The following TTC13 variants were observed in gnomAD, a reference collection of about 807,000 sequenced individuals.
TTC13 encodes tetratricopeptide repeat domain 13.
TTC13 carries 62 observed loss-of-function variants against 120.0 expected under a neutral mutation model. The ratio of observed to expected loss-of-function variants is 0.52; its 90% CI spans 0.42 to 0.64. TTC13 has a LOEUF of 0.64. TTC13 is among the 30% of genes least tolerant of loss of function. The pLI is 0.00. For synonymous variants in TTC13, 384 were observed against 393.5 expected, an observed-to-expected ratio of 0.98 and a Z score of 0.28; for missense variants, 824 against 1,050.2, an observed-to-expected ratio of 0.78 and a Z score of 2.98.
intron 10 of TTC13, 26 bp from the exon 11 acceptor site, chr1:230,931,498 T>A (rs1673553237): frequency 1.2e-6 from 2 of 1,608,910 alleles, no homozygotes; most frequent in Middle Eastern, 1.7e-4. Flanking sequence ...TGCATTAGTA[T>A]CAACACAGTT....
chr1:230,948,977 G>A (rs924221413), intron 4 of TTC13, among the ~76,000 whole-genome samples: 3 of 151,910 alleles, frequency 2.0e-5, no homozygotes, highest in Admixed American at 6.6e-5. Flanking sequence ...CCTTCCAGAC[G>A]CCCCTGGAAA....
intron 1 of TTC13, among the ~76,000 whole-genome samples, chr1:230,972,818 G>A (rs144394729): frequency 1.3e-4 from 20 of 152,278 alleles, no homozygotes; most frequent in African/African-American, 4.6e-4. Context: ...CGAATCATAG[G>A]CTGCCATCGT....
intron 1 of TTC13, among the ~76,000 whole-genome samples, chr1:230,971,223 G>A (rs986086966): frequency 1.3e-5 from 2 of 151,680 alleles, no homozygotes; most frequent in African/African-American, 4.9e-5. Context: ...GCGGGCGCCT[G>A]TAGTCCCAGC....
chr1:230,933,743 C>G, intron 9 of TTC13, 36 bp downstream of exon 9: 1 of 1,211,704 alleles, frequency 8.3e-7, no homozygotes, highest in Non-Finnish European at 1.2e-6. Context: ...CACTCTTCAG[C>G]CTCCCTCCTA....
At chr1:230,930,857 GC>G in intron 11 of TTC13, among the ~76,000 whole-genome samples, 1 of 152,192 alleles carries the variant, frequency 6.6e-6, no homozygotes, top group Admixed American at 6.5e-5. Flanking sequence ...GGCGGAGGTT[GC>G]AGTGAGCTGA....
chr1:230,952,717 T>C (rs1465556959), intron 4 of TTC13, among the ~76,000 whole-genome samples: 1 of 152,142 alleles, frequency 6.6e-6, no homozygotes, highest in Admixed American at 6.5e-5. Context: ...AAAAATAAGA[T>C]TGTAGAAAAA....
At chr1:230,929,809 G>A (rs1673383892) in intron 11 of TTC13, among the ~76,000 whole-genome samples, 1 of 152,050 alleles carries the variant, frequency 6.6e-6, no homozygotes, top group African/African-American at 2.4e-5. Flanking sequence ...AGCAGTGTAG[G>A]AAAAAACCCA....
chr1:230,936,076 C>A, intron 8 of TTC13: 1 of 418,590 alleles, frequency 2.4e-6, no homozygotes, highest in Non-Finnish European at 4.8e-6. Context: ...GAGGGAATAA[C>A]GAGCCCATCG....
intron 8 of TTC13, among the ~76,000 whole-genome samples, chr1:230,934,340 G>T (rs777660978): frequency 1.3e-5 from 2 of 152,014 alleles, no homozygotes; most frequent in Non-Finnish European, 2.9e-5. Flanking sequence ...AAGCAAAAAG[G>T]CTCCTAGATT....
At chr1:230,954,088 C>A (rs1486108451) in intron 4 of TTC13, among the ~76,000 whole-genome samples, 1 of 152,092 alleles carries the variant, frequency 6.6e-6, no homozygotes, top group Non-Finnish European at 1.5e-5. Flanking sequence ...GAGTAAATTG[C>A]TTGACCTGAT....
chr1:230,956,289 A>C (rs1676078373), intron 3 of TTC13: 1 of 185,912 alleles, frequency 5.4e-6, no homozygotes, highest in African/African-American at 2.4e-5. Context: ...AGGGATGGCC[A>C]AGGGGCTGAA....
At chr1:230,920,913 G>GA (rs1672517281) in intron 16 of TTC13, among the ~76,000 whole-genome samples, 1 of 152,172 alleles carries the variant, frequency 6.6e-6, no homozygotes, top group African/African-American at 2.4e-5. Flanking sequence ...CTTAAACTCT[G>GA]ATTTTCCTAT....
chr1:230,923,767 C>T, intron 15 of TTC13, 74 bp downstream of exon 15: 2 of 1,287,508 alleles, frequency 1.6e-6, no homozygotes, highest in Non-Finnish European at 2.2e-6. Context: ...CAATGGGTCA[C>T]TCCTGGTCTC....
At chr1:230,923,966 T>G in intron 14 of TTC13, 33 bp from the exon 15 acceptor site, 3 of 1,537,714 alleles carry the variant, frequency 2.0e-6, no homozygotes, top group Non-Finnish European at 2.7e-6. Flanking sequence ...AAACCAGAAG[T>G]GTTCAGAAGC....
rs57051929 is a variant in TTC13, at chr1:230,948,400, C to CAAAAAAA, written c.514-2953_514-2947dup. On this transcript the variant is annotated intron_variant, in intron 4 of 22. Coordinates refer to ENST00000366661, the MANE Select transcript of TTC13 (RefSeq NM_024525.5). ...CACTAAAGGGTAGCAACTCACAATA[C>CAAAAAAA]AAAAAAAAAAAAAAAAGGTAACATC... is the stretch of plus-strand genomic sequence containing the variant. Among the ~76,000 whole-genome samples, 150 of 96,584 alleles carry CAAAAAAA rather than the reference C, an allele frequency of 1.6e-3. 10 individuals carry two copies. Among genetic ancestry groups the CAAAAAAA allele is most frequent in the Non-Finnish European group, 2.6e-3 (130 of 49,210 alleles). 63.4% of individuals were successfully genotyped at this position (96,584 alleles called of 152,430 possible). A position where few individuals can be genotyped will look rare whatever the true frequency, so the allele number is the denominator to read the frequency against.
intron 6 of TTC13, among the ~76,000 whole-genome samples, chr1:230,941,073 T>G (rs574481978): frequency 6.6e-6 from 1 of 152,172 alleles, no homozygotes; most frequent in Non-Finnish European, 1.5e-5. Context: ...TTTTAACTCA[T>G]GAGTCATGAT....
At position 230,944,844 on chromosome 1, in the gene TTC13, C is replaced by T. The variant is rs534444241; in HGVS notation, c.579+545G>A. Among the ~76,000 whole-genome samples, 1 of 152,152 alleles carries T rather than the reference C, an allele frequency of 6.6e-6. No homozygotes were observed. Among genetic ancestry groups the T allele is most frequent in the African/African-American group, 2.4e-5 (1 of 41,508 alleles). Reference sequence around the variant, plus strand: ...TGAACTTACACCATTTCGTGATTTACTATATAATTTCAGGAGTCTTCATTT... The same window carrying T: ...TGAACTTACACCATTTCGTGATTTATTATATAATTTCAGGAGTCTTCATTT... On this transcript the variant is annotated intron_variant, in intron 5 of 22. Transcript: ENST00000366661. The surrounding 1 kb of genome is among the most constrained non-coding windows in gnomAD (Gnocchi z 4.0).
At chr1:230,922,880 C>G (rs2102796765) in intron 15 of TTC13, among the ~76,000 whole-genome samples, 1 of 152,314 alleles carries the variant, frequency 6.6e-6, no homozygotes, top group Non-Finnish European at 1.5e-5. Context: ...CAGCACAGCA[C>G]AGCACACTGG....
chr1:230,942,581 TA>T lies in TTC13; in HGVS notation c.672+1224del, dbSNP rs1439979250. On this transcript the variant is annotated intron_variant, in intron 6 of 22. Transcript: ENST00000366661. The surrounding 1 kb of genome is among the most constrained non-coding windows in gnomAD (Gnocchi z 4.0). ...TAGCTTTCTCTTCCAAAAGAGAAAA[TA>T]AAAAGTAATTTTTTCTTTAGTTCAA... is the stretch of plus-strand genomic sequence containing the variant. 6.6e-6 allele frequency among the ~76,000 whole-genome samples: 1 copy of T among 152,178 alleles called. No individual in the cohort carries two copies. Among genetic ancestry groups the T allele is most frequent in the Non-Finnish European group, 1.5e-5 (1 of 68,020 alleles).
Sources: allele counts gnomAD v4.1 joint callset (sites outside exome capture counted in the v4.1 genomes callset), GRCh38; gene constraint gnomAD v4.1.1; non-coding constraint Gnocchi (gnomAD v3.1); transcripts MANE v1.5; gene names NCBI Gene and HGNC (gene_info 2026-07-23, HGNC 2026-07-21).